CRB2: variants seen among roughly 807,000 people sequenced by gnomAD.
CRB2 encodes the protein crumbs cell polarity complex component 2, also known as protein crumbs homolog 2.
CRB2 carries 85 observed loss-of-function variants against 110.9 expected under a neutral mutation model. The observed-to-expected ratio is 0.77, with a 90% CI of 0.64 to 0.92. The LOEUF is 0.92. Ranked by LOEUF, CRB2 falls within the 40% of genes least tolerant of loss-of-function variation. CRB2 has a pLI of 0.00. For missense variants in CRB2, 1,843 were observed against 1,851.3 expected, an observed-to-expected ratio of 1.00 and a Z score of 0.08; for synonymous variants, 907 against 831.0, an observed-to-expected ratio of 1.09 and a Z score of -1.57.
intron 1 of CRB2, among the ~76,000 whole-genome samples, chr9:123,358,897 GA>G (rs768823465): frequency 6.6e-5 from 10 of 152,218 alleles, no homozygotes; most frequent in Non-Finnish European, 1.0e-4. Flanking sequence ...AATTTCAAGG[GA>G]AATTTTAGAT....
intron 1 of CRB2, among the ~76,000 whole-genome samples, chr9:123,360,460 G>A (rs1364183315): frequency 6.6e-6 from 1 of 151,698 alleles, no homozygotes; most frequent in East Asian, 1.9e-4. Context: ...TCCACACCCC[G>A]CCCCTCCTTG....
intron 2 of CRB2, among the ~76,000 whole-genome samples, chr9:123,364,506 G>A (rs1351635714): frequency 6.9e-6 from 1 of 145,388 alleles, no homozygotes; most frequent in Admixed American, 6.8e-5. Context: ...GGGTGGGGGA[G>A]TTTGGGATTT....
At position 123,373,315 on chromosome 9, in the gene CRB2, G is replaced by A. The variant is rs1280017278; in HGVS notation, c.2784G>A (p.Ser928=). 11 of 1,459,114 alleles carry A rather than the reference G, an allele frequency of 7.5e-6. No homozygotes were observed. Among genetic ancestry groups the A allele is most frequent in the Non-Finnish European group, 9.0e-6 (10 of 1,114,654 alleles). The allele number at this position is 1,459,114 out of a possible 1,614,324, so 90.4% of individuals were successfully genotyped here. Residue 928 remains serine, a synonymous_variant, in exon 10 of 13, where the codon TCG becomes TCA. Coordinates refer to ENST00000373631, the MANE Select transcript of CRB2 (RefSeq NM_173689.7). ...TGTGGCTGGCGGTGCGCAATGGCTC[G>A]CTGGCGGGGGGCGTGCGCGGAGGCC... The part of the protein sequence containing the change: ...EGVWLAVRNG[S]LAGGVRGGHG...
In CRB2 at chr9:123,367,402, AG is replaced by A. The variant is rs568158613; in HGVS notation, c.940+48del. The A allele has an allele frequency of 0.019, 28,812 of 1,526,932 alleles. 359 individuals are homozygous for A. The highest frequency in any genetic ancestry group is 0.025 in the Middle Eastern group (105 of 4,228). 94.6% of individuals were successfully genotyped at this position (1,526,932 alleles called of 1,614,324 possible). A position where few individuals can be genotyped will look rare whatever the true frequency, so the allele number is the denominator to read the frequency against. ...GCGGTCAGCCCATGTCCAGATGCCC[AG>A]GGAGGGATCTTGTGCCCACCCCCCC... On this transcript the variant is annotated intron_variant, in intron 5 of 12. Coordinates refer to ENST00000373631, the MANE Select transcript of CRB2 (RefSeq NM_173689.7).
rs186886517 is a variant in CRB2, at chr9:123,364,968, A to C, written c.419-949A>C. 1.4e-4 allele frequency among the ~76,000 whole-genome samples: 22 copies of C among 152,290 alleles called. No homozygotes were observed. The East Asian group carries it at 4.3e-3, about 29-fold the overall frequency. On this transcript the variant is annotated intron_variant, in intron 2 of 12. Transcript: ENST00000373631. ...GAAAGCCACCAGAGTGGACCTTCTA[A>C]AAAGTAGGTAGGGCCAGGTGTGGTG...
rs1020842426 is a variant in CRB2, at chr9:123,371,661, T to C, written c.2436+83T>C. 34 of 1,572,760 alleles carry C rather than the reference T, an allele frequency of 2.2e-5. No individual in the cohort carries two copies. The African/African-American group carries it at 3.0e-4, about 14-fold the overall frequency. ...TCCTGTGTCACCGGGGCTTAGTGTG[T>C]CCTTTTGCTGATGAGGAAACTGAGG... On this transcript the variant is annotated intron_variant, in intron 8 of 12. Transcript: ENST00000373631.
chr9:123,364,251 A>G (rs1194961233), intron 2 of CRB2, among the ~76,000 whole-genome samples: 2 of 106,046 alleles, frequency 1.9e-5, no homozygotes, highest in East Asian at 2.9e-4. Flanking sequence ...TCTGTTTTGC[A>G]TCTGTAAAGA....
At chr9:123,376,764 C>T in intron 12 of CRB2, 74 bp from the exon 13 acceptor site, 6 of 1,359,200 alleles carry the variant, frequency 4.4e-6, no homozygotes, top group Non-Finnish European at 6.1e-6. Context: ...TTGTGCTGCG[C>T]TCTCTGCTCT....
Position 123,373,604 on chromosome 9 carries a change from C to A in CRB2, c.3073C>A (p.Pro1025Thr), listed in dbSNP as rs761354691. 1.6e-5 allele frequency: 22 copies of A among 1,380,520 alleles called. No homozygotes were observed. Among genetic ancestry groups the A allele is most frequent in the Non-Finnish European group, 2.0e-5 (21 of 1,072,014 alleles). The allele number at this position is 1,380,520 out of a possible 1,614,324, so 85.5% of individuals were successfully genotyped here. A position where few individuals can be genotyped will look rare whatever the true frequency, so the allele number is the denominator to read the frequency against. ...GRVALGGLPL[P>T]LARPRPGAAP... ...CGTGGCGCTGGGCGGCCTGCCCCTGCCCTTGGCGCGGCCCCGGCCCGGCGC... is the reference window on the plus strand; with the variant it reads ...CGTGGCGCTGGGCGGCCTGCCCCTGACCTTGGCGCGGCCCCGGCCCGGCGC... The change falls in exon 10 of 13, where the codon CCC (proline) becomes ACC (threonine). Residue 1025 changes from proline to threonine, a missense_variant. Pro to Thr is a conservative substitution (Grantham distance 38). Coordinates refer to ENST00000373631, the MANE Select transcript of CRB2 (RefSeq NM_173689.7).
chr9:123,355,838 T>G (rs1394487213), upstream of CRB2, among the ~76,000 whole-genome samples: 1 of 142,216 alleles, frequency 7.0e-6, no homozygotes, highest in African/African-American at 2.7e-5. Flanking sequence ...GCTGGAGAGG[T>G]GGGGAGGGGG....
At position 123,377,305 on chromosome 9, in the gene CRB2, G is replaced by C; in HGVS notation, c.*243G>C. 1.9e-6 allele frequency: 1 copy of C among 526,100 alleles called. No individual in the cohort carries two copies. The highest frequency in any genetic ancestry group is 3.4e-6 in the Non-Finnish European group (1 of 296,086). The allele number at this position is 526,100 out of a possible 1,614,324, so 32.6% of individuals were successfully genotyped here. ...CGGGGTTCCGCCTTGGCAGGTGTACGGCTGTGCGTGGGAGGGCACACGTGG... is the reference window on the plus strand; with the variant it reads ...CGGGGTTCCGCCTTGGCAGGTGTACCGCTGTGCGTGGGAGGGCACACGTGG... On this transcript the variant is annotated 3_prime_UTR_variant, in exon 13 of 13. Coordinates refer to ENST00000373631, the MANE Select transcript of CRB2 (RefSeq NM_173689.7).
rs1300399485 is a variant in CRB2 at position 123,372,303 on chromosome 9, C to T, written c.2563C>T (p.Pro855Ser). ...QLWCPGQPCLPPATCEEVPDG... is the reference protein window; with the variant it reads ...QLWCPGQPCLSPATCEEVPDG... ...GTGGTGTCCCGGCCAGCCCTGTCTC[C>T]CACCTGCCACGTGTGAGGAGGTCCC... Residue 855 changes from proline (P) to serine (S), a missense_variant, in exon 9 of 13, where the codon CCA becomes TCA. Transcript: ENST00000373631. 1 of 1,610,200 alleles carries T rather than the reference C, an allele frequency of 6.2e-7. No homozygotes were observed. Among genetic ancestry groups the T allele is most frequent in the East Asian group, 2.2e-5 (1 of 44,868 alleles).
At chr9:123,375,619 G>A (rs894235386) in intron 12 of CRB2, among the ~76,000 whole-genome samples, 1 of 152,176 alleles carries the variant, frequency 6.6e-6, no homozygotes, top group Non-Finnish European at 1.5e-5. Context: ...CAGTGGCAGT[G>A]AGGACAGATG....
At chr9:123,355,712 A>G (rs2041789691), upstream of CRB2, among the ~76,000 whole-genome samples, 1 of 126,620 alleles carries the variant, frequency 7.9e-6, no homozygotes, top group African/African-American at 3.1e-5. Flanking sequence ...CGATGGGAGC[A>G]CTGGGGAGCA....
Position 123,373,535 on chromosome 9 carries a change from G to T in CRB2, c.3004G>T (p.Val1002Leu). 6.7e-7 allele frequency: 1 copy of T among 1,485,990 alleles called. No individual in the cohort carries two copies. Among genetic ancestry groups the T allele is most frequent in the Admixed American group, 2.2e-5 (1 of 46,280 alleles). The allele number at this position is 1,485,990 out of a possible 1,614,324, so 92.1% of individuals were successfully genotyped here. A position where few individuals can be genotyped will look rare whatever the true frequency, so the allele number is the denominator to read the frequency against. ...DLGFLQGPGA[V>L]RILLAENFTG... ...GGGCTTCCTGCAGGGCCCGGGTGCT[G>T]TGCGCATCCTGCTGGCTGAGAACTT... The change falls in exon 10 of 13, where the codon GTG becomes TTG. Residue 1002 changes from valine to leucine, a missense_variant. Physicochemically the swap from Val to Leu is conservative, Grantham distance 32. Transcript: ENST00000373631.
In CRB2 at chr9:123,370,192, A is replaced by AT; in HGVS notation, c.1140dup (p.Ile381TyrfsTer99). 6.2e-7 allele frequency: 1 copy of AT among 1,613,020 alleles called. No homozygotes were observed. On this transcript the variant is annotated frameshift_variant, in exon 7 of 13. Coordinates refer to ENST00000373631, the MANE Select transcript of CRB2 (RefSeq NM_173689.7). LOFTEE classifies it high-confidence loss of function. ...ACCTGCAGTGACACTGTGGCAGGCT[A>AT]TATCTGCAGGTGCCCAGAGACCTGG...
chr9:123,370,220 T>C lies in CRB2; in HGVS notation c.1167T>C (p.Gly389=), dbSNP rs1588213190. The C allele has an allele frequency of 6.2e-7, 1 of 1,613,004 alleles. No homozygotes were observed. The highest frequency in any genetic ancestry group is 8.5e-7 in the Non-Finnish European group (1 of 1,179,970). Reference sequence around the variant, plus strand: ...TCTGCAGGTGCCCAGAGACCTGGGGTGGGCGCGACTGTTCTGTGCAGCTCA... The same window carrying C: ...TCTGCAGGTGCCCAGAGACCTGGGGCGGGCGCGACTGTTCTGTGCAGCTCA... ...GYICRCPETW[G]GRDCSVQLTG... The change falls in exon 7 of 13, where the codon GGT becomes GGC. Residue 389 remains glycine, a synonymous_variant. Transcript: ENST00000373631.
In CRB2 at chr9:123,356,199, G is replaced by A. The variant is rs949070510; in HGVS notation, c.-62G>A. ...CTGGTTGGAGGGACGAGGGGGGTGC[G>A]GAGCCAGCCAGGCCGCCCTCCCGTT... On this transcript the variant is annotated 5_prime_UTR_variant, in exon 1 of 13. Coordinates refer to ENST00000373631, the MANE Select transcript of CRB2 (RefSeq NM_173689.7). The A allele has an allele frequency of 1.5e-5, 18 of 1,211,752 alleles. No homozygotes were observed. Among genetic ancestry groups the A allele is most frequent in the African/African-American group, 7.9e-5 (5 of 63,678 alleles). The allele number at this position is 1,211,752 out of a possible 1,614,324, so 75.1% of individuals were successfully genotyped here. A position where few individuals can be genotyped will look rare whatever the true frequency, so the allele number is the denominator to read the frequency against.
In CRB2 at chr9:123,374,637, T is replaced by C. The variant is rs202022214; in HGVS notation, c.3448T>C (p.Cys1150Arg). The C allele has an allele frequency of 3.6e-5, 58 of 1,613,196 alleles. 1 individual carries two copies. The East Asian group carries it at 7.8e-4, about 22-fold the overall frequency. ...LNVTCLDGSP[C>R]EGGSPAANCS... ...TGTCACCTGCCTCGATGGCAGCCCA[T>C]GTGAGGGTGGCTCTCCCGCTGCCAA... The change falls in exon 11 of 13, where the codon TGT becomes CGT. Residue 1150 changes from cysteine (C) to arginine (R), a missense_variant. Physicochemically the swap from Cys to Arg is radical, Grantham distance 180. Transcript: ENST00000373631.
Sources: allele counts gnomAD v4.1 joint callset (sites outside exome capture counted in the v4.1 genomes callset), GRCh38; gene constraint gnomAD v4.1.1; transcripts MANE v1.5; gene names NCBI Gene and HGNC (gene_info 2026-07-23, HGNC 2026-07-21).